Variants in ST18 observed in about 807,000 individuals in gnomAD.
ST18 encodes suppression of tumorigenicity 18 protein.
ST18 carries 50 observed loss-of-function variants against 110.0 expected under a neutral mutation model. The ratio of observed to expected loss-of-function variants is 0.45; its 90% CI spans 0.36 to 0.58. The LOEUF (loss-of-function observed/expected upper bound fraction) is 0.58, where lower values mean the gene tolerates loss of function less well. Among genes scored for constraint, ST18 ranks in the 20% least tolerant of loss-of-function variants. The probability of loss-of-function intolerance (pLI) is 0.00; values close to 1 mark genes in which losing one functional copy is unlikely to be tolerated. For missense variants in ST18, 1,306 were observed against 1,280.1 expected (o/e 1.02, Z -0.31); for synonymous variants, 461 against 452.4 (o/e 1.02, Z -0.24).
At position 52,181,441 on chromosome 8, in the gene ST18, A is replaced by G. The variant is rs1053657496; in HGVS notation, c.87-1129T>C. ...TAGAAGAGTAGGTTCAAAAACTTCC[A>G]ATGGGGGTAAAAGTGTCATTTCTTC... On this transcript the variant is annotated intron_variant, in intron 8 of 25. Coordinates refer to ENST00000689386, the MANE Select transcript of ST18 (RefSeq NM_001352837.2). Among the ~76,000 whole-genome samples the G allele has an allele frequency of 3.3e-5, 5 of 152,196 alleles. No homozygotes were observed. In the East Asian group the frequency reaches 9.6e-4, roughly 29 times the overall value.
chr8:52,150,127 T>C, intron 15 of ST18, 150 bp from the exon 16 acceptor site: 1 of 1,144,360 alleles, frequency 8.7e-7, no homozygotes, highest in Non-Finnish European at 1.2e-6. Flanking sequence ...TTGGGTAATG[T>C]TCAATTCTTA....
At chr8:52,211,366 T>A (rs1250924533) in intron 8 of ST18, among the ~76,000 whole-genome samples, 1 of 146,198 alleles carries the variant, frequency 6.8e-6, no homozygotes, top group East Asian at 2.0e-4. Flanking sequence ...AGTTACCTGA[T>A]GGAATCATCT....
chr8:52,165,368 A>G (rs1297118085), intron 11 of ST18, 143 bp from the exon 12 acceptor site: 2 of 756,068 alleles, frequency 2.6e-6, no homozygotes, highest in Admixed American at 4.8e-5. Context: ...GACACAAACA[A>G]GTGAGCATGG....
At chr8:52,284,032 C>T (rs1485929716) in intron 2 of ST18, among the ~76,000 whole-genome samples, 1 of 152,250 alleles carries the variant, frequency 6.6e-6, no homozygotes, top group East Asian at 1.9e-4. Context: ...TCCCCAAGCA[C>T]TTTAATCGGC....
At chr8:52,325,858 G>T (rs901836869) in intron 2 of ST18, among the ~76,000 whole-genome samples, 2 of 152,138 alleles carry the variant, frequency 1.3e-5, no homozygotes, top group East Asian at 3.9e-4. Context: ...AAATAAATGT[G>T]GACAACCGGG....
intron 6 of ST18, among the ~76,000 whole-genome samples, chr8:52,217,420 T>C (rs1457229703): frequency 6.6e-6 from 1 of 152,122 alleles, no homozygotes; most frequent in East Asian, 1.9e-4. Flanking sequence ...TATCAACTTA[T>C]TATGTATAAT....
chr8:52,371,725 G>A (rs1392799211), intron 2 of ST18, among the ~76,000 whole-genome samples: 5 of 152,090 alleles, frequency 3.3e-5, no homozygotes, highest in African/African-American at 7.2e-5. Context: ...GCATACACAC[G>A]GTGATCCCAT....
At chr8:52,388,833 G>A (rs1263250777) in intron 2 of ST18, among the ~76,000 whole-genome samples, 6 of 116,260 alleles carry the variant, frequency 5.2e-5, no homozygotes, top group South Asian at 3.5e-4. Context: ...GGGGAGGGGG[G>A]AGGGATAGCT....
intron 8 of ST18, among the ~76,000 whole-genome samples, chr8:52,203,780 G>T (rs1385061512): frequency 6.6e-6 from 1 of 152,096 alleles, no homozygotes; most frequent in Non-Finnish European, 1.5e-5. Flanking sequence ...AGTGCATCAG[G>T]GTGAGAAGAT....
chr8:52,234,728 G>GGTGT (rs3054614), intron 2 of ST18, among the ~76,000 whole-genome samples: 5,144 of 145,632 alleles, frequency 0.035, 119 homozygotes, highest in African/African-American at 0.074. Flanking sequence ...AAGAAACTAT[G>GGTGT]GTGTGTGTGT....
chr8:52,126,747 G>A (rs944047101), intron 22 of ST18, among the ~76,000 whole-genome samples: 1 of 152,168 alleles, frequency 6.6e-6, no homozygotes, highest in Admixed American at 6.5e-5. Context: ...GAGAATAAGA[G>A]GAGCTGCCAC....
intron 2 of ST18, among the ~76,000 whole-genome samples, chr8:52,312,468 T>C (rs1195834869): frequency 2.0e-5 from 3 of 152,224 alleles, no homozygotes; most frequent in Non-Finnish European, 4.4e-5. Context: ...CAGAGATTAA[T>C]GCCATTCTTG....
In ST18 at chr8:52,305,845, T is replaced by TCCTG. The variant is rs575656946; in HGVS notation, c.-464-75772_-464-75769dup. 1.9e-3 allele frequency among the ~76,000 whole-genome samples: 293 copies of TCCTG among 152,342 alleles called. 2 individuals are homozygous for TCCTG. Among genetic ancestry groups the TCCTG allele is most frequent in the South Asian group, 4.3e-3 (21 of 4,828 alleles). On this transcript the variant is annotated intron_variant, in intron 2 of 25. Transcript: ENST00000689386. Reference sequence around the variant, plus strand: ...GACTGCAAGTGTCTCCTAACAGGACTCCTGGCTTGCACCATTGCCTCTTCA... The same window carrying TCCTG: ...GACTGCAAGTGTCTCCTAACAGGACTCCTGCCTGGCTTGCACCATTGCCTCTTCA...
chr8:52,210,703 T>A (rs988789896), intron 8 of ST18, among the ~76,000 whole-genome samples: 1 of 151,928 alleles, frequency 6.6e-6, no homozygotes, highest in Non-Finnish European at 1.5e-5. Context: ...AAAATAAAAT[T>A]AAAACAAAAT....
intron 10 of ST18, among the ~76,000 whole-genome samples, chr8:52,170,464 A>C (rs1042428758): frequency 2.6e-3 from 380 of 147,864 alleles, no homozygotes; most frequent in African/African-American, 8.3e-3. Context: ...ATAAATAAAT[A>C]AATAAATAAA....
intron 2 of ST18, among the ~76,000 whole-genome samples, chr8:52,287,882 T>A (rs2095494509): frequency 6.6e-6 from 1 of 152,212 alleles, no homozygotes; most frequent in Admixed American, 6.5e-5. Context: ...ATTCAGCTTC[T>A]GAGGGCTTCA....
At chr8:52,358,544 G>T (rs992990278) in intron 2 of ST18, among the ~76,000 whole-genome samples, 3 of 151,738 alleles carry the variant, frequency 2.0e-5, no homozygotes, top group African/African-American at 7.3e-5. Context: ...GAAATAAAAA[G>T]AATTGCAAGA....
At chr8:52,351,344 C>T (rs967275345) in intron 2 of ST18, among the ~76,000 whole-genome samples, 1 of 152,206 alleles carries the variant, frequency 6.6e-6, no homozygotes, top group Admixed American at 6.5e-5. Context: ...GCAGAGTACA[C>T]TGACTTGCCT....
At chr8:52,400,083 G>T (rs1342114640) in intron 2 of ST18, among the ~76,000 whole-genome samples, 2 of 151,832 alleles carry the variant, frequency 1.3e-5, no homozygotes, top group African/African-American at 4.8e-5. Flanking sequence ...TATATACTTA[G>T]GTATTCCAAT....
Sources: gnomAD v4.1 joint callset for allele counts (sites outside exome capture counted in the v4.1 genomes callset) on GRCh38, gnomAD v4.1.1 for gene constraint, MANE v1.5 for transcripts, NCBI Gene and HGNC (gene_info 2026-07-23, HGNC 2026-07-21) for gene names.